Variants in POFUT3 observed in about 807,000 individuals in gnomAD.
POFUT3 encodes the protein protein O-fucosyltransferase 3, also known as GDP-fucose protein O-fucosyltransferase 3.
At chr8:33,436,380 T>G in the POFUT3 span, 2 of 1,395,782 alleles carry the variant, frequency 1.4e-6, no homozygotes, top group South Asian at 1.2e-5. Context: ...GATGTCACAT[T>G]CAACGACCGT....
At chr8:33,324,477 T>C in the POFUT3 span, among the ~76,000 whole-genome samples, 1 of 152,128 alleles carries the variant, frequency 6.6e-6, no homozygotes, top group South Asian at 2.1e-4. Flanking sequence ...TAATTCAAGA[T>C]TGAGACTCCA....
At chr8:33,444,933 C>CTTTTTTT in the POFUT3 span, among the ~76,000 whole-genome samples, 82 of 121,620 alleles carry the variant, frequency 6.7e-4, 1 homozygote, top group Non-Finnish European at 9.3e-4. Context: ...TGACCTTCAT[C>CTTTTTTT]TTTTTTTTTT....
the POFUT3 span, among the ~76,000 whole-genome samples, chr8:33,329,465 A>T: frequency 1.3e-5 from 2 of 152,210 alleles, no homozygotes; most frequent in East Asian, 3.8e-4. Flanking sequence ...GAAAGCTGGA[A>T]ATTGCCTTCT....
the POFUT3 span, among the ~76,000 whole-genome samples, chr8:33,458,013 A>G: frequency 1.3e-5 from 2 of 152,194 alleles, no homozygotes. Context: ...CCTTACTCCC[A>G]GTACTTTATA....
chr8:33,402,684 T>C, the POFUT3 span, among the ~76,000 whole-genome samples: 1 of 151,876 alleles, frequency 6.6e-6, no homozygotes, highest in South Asian at 2.1e-4. Context: ...AAGATGCAAC[T>C]CTCCGATGGC....
At chr8:33,427,398 A>T in the POFUT3 span, among the ~76,000 whole-genome samples, 3 of 151,864 alleles carry the variant, frequency 2.0e-5, no homozygotes, top group Admixed American at 1.3e-4. Context: ...GCCAACATGG[A>T]GAAGCCCCGT....
At chr8:33,450,218 G>C in the POFUT3 span, among the ~76,000 whole-genome samples, 1 of 152,184 alleles carries the variant, frequency 6.6e-6, no homozygotes, top group South Asian at 2.1e-4. Flanking sequence ...TGGGATTACA[G>C]GCATGAGCCA....
At chr8:33,421,486 G>A in the POFUT3 span, among the ~76,000 whole-genome samples, 1 of 152,134 alleles carries the variant, frequency 6.6e-6, no homozygotes, top group African/African-American at 2.4e-5. Flanking sequence ...AGGATGGTTC[G>A]TTATGGATTC....
the POFUT3 span, among the ~76,000 whole-genome samples, chr8:33,333,787 C>T: frequency 1.3e-5 from 2 of 152,084 alleles, no homozygotes; most frequent in African/African-American, 4.8e-5. Flanking sequence ...ACTCTAAGAG[C>T]AAGAGGAAGC....
At chr8:33,312,752 C>T in the POFUT3 span, among the ~76,000 whole-genome samples, 1 of 152,044 alleles carries the variant, frequency 6.6e-6, no homozygotes, top group Non-Finnish European at 1.5e-5. Flanking sequence ...TTATCAAATC[C>T]CCAGAACGCT....
At chr8:33,362,540 G>A in the POFUT3 span, among the ~76,000 whole-genome samples, 1 of 151,818 alleles carries the variant, frequency 6.6e-6, no homozygotes, top group African/African-American at 2.4e-5. Flanking sequence ...GTGCAAAGAT[G>A]CACATGGACT....
the POFUT3 span, among the ~76,000 whole-genome samples, chr8:33,425,179 A>T: frequency 5.3e-5 from 8 of 151,920 alleles, no homozygotes; most frequent in South Asian, 2.1e-4. Context: ...CTACAAAAAA[A>T]TTTTTTAATT....
At chr8:33,325,617 T>TTGTAA in the POFUT3 span, among the ~76,000 whole-genome samples, 1 of 152,208 alleles carries the variant, frequency 6.6e-6, no homozygotes, top group African/African-American at 2.4e-5. Context: ...CCCTTTACAA[T>TTGTAA]ATTGTAGCAG....
the POFUT3 span, among the ~76,000 whole-genome samples, chr8:33,314,485 C>A: frequency 6.6e-6 from 1 of 152,168 alleles, no homozygotes; most frequent in Non-Finnish European, 1.5e-5. Flanking sequence ...GCAAGTTAAC[C>A]ACTCTGACTC....
At chr8:33,319,541 A>ATATATATATATATTTATATATAT in the POFUT3 span, among the ~76,000 whole-genome samples, 1 of 266 alleles carries the variant, frequency 3.8e-3, no homozygotes. Flanking sequence ...TATTTATATA[A>ATATATATATATATTTATATATAT]TATATAAATA....
the POFUT3 span, among the ~76,000 whole-genome samples, chr8:33,372,972 T>C: frequency 1.3e-5 from 2 of 152,190 alleles, no homozygotes; most frequent in African/African-American, 4.8e-5. Context: ...GCATATTGAA[T>C]AGGTGCTACT....
chr8:33,446,250 A>G, the POFUT3 span, among the ~76,000 whole-genome samples: 1 of 152,032 alleles, frequency 6.6e-6, no homozygotes, highest in Non-Finnish European at 1.5e-5. Context: ...TGAGGTCAGG[A>G]ATTCGAGACC....
chr8:33,436,416 TG>T, the POFUT3 span: 2 of 1,434,624 alleles, frequency 1.4e-6, no homozygotes, highest in Non-Finnish European at 2.0e-6. Flanking sequence ...CAAACTTGGC[TG>T]GAAGCTCCTT....
chr8:33,461,715 T>A, the POFUT3 span: 3 of 1,349,510 alleles, frequency 2.2e-6, no homozygotes, highest in African/African-American at 1.5e-5. Flanking sequence ...TAAGAAGGAA[T>A]CAAAAAAATT....
Sources: allele counts gnomAD v4.1 joint callset (sites outside exome capture counted in the v4.1 genomes callset), GRCh38; gene constraint gnomAD v4.1.1; transcripts MANE v1.5; gene names NCBI Gene and HGNC (gene_info 2026-07-23, HGNC 2026-07-21).